The following CRBN variants were observed in gnomAD, a reference collection of about 807,000 sequenced individuals.
The protein encoded by CRBN is cereblon.
In CRBN, 53 loss-of-function variants were observed where a neutral mutation model predicts 62.2. That is an observed-to-expected ratio of 0.85 (90% CI 0.68 to 1.07). CRBN has a LOEUF of 1.07. CRBN is among the 50% of genes least tolerant of loss of function. The probability of loss-of-function intolerance (pLI) is 0.00; values close to 1 mark genes in which losing one functional copy is unlikely to be tolerated. For synonymous variants in CRBN, 208 were observed against 176.1 expected (o/e 1.18, Z -1.43); for missense variants, 616 against 531.1 (o/e 1.16, Z -1.57).
At chr3:3,167,539 GTAA>G in intron 5 of CRBN, 92 bp downstream of exon 5, 2 of 1,218,108 alleles carry the variant, frequency 1.6e-6, no homozygotes, top group South Asian at 2.6e-5. Context: ...AGGTGGCTGG[GTAA>G]TGAATCATGA....
intron 10 of CRBN, among the ~76,000 whole-genome samples, chr3:3,151,502 A>AAAACTAC (rs3840225): frequency 1.3e-5 from 2 of 151,800 alleles, no homozygotes; most frequent in Non-Finnish European, 2.9e-5. Context: ...GTAAATATTT[A>AAAACTAC]TATTCTAAAA....
chr3:3,172,671 G>A lies in CRBN; in HGVS notation c.527+105C>T, dbSNP rs59379332. On this transcript the variant is annotated intron_variant, in intron 4 of 10. Coordinates refer to ENST00000231948, the MANE Select transcript of CRBN (RefSeq NM_016302.4). ...CCTTAGAAGGGAAAGAGAACAACTA[G>A]TTAAAAGTTACAAAATATGAAGGCT... 22 of 1,218,212 alleles carry A rather than the reference G, an allele frequency of 1.8e-5. No individual in the cohort carries two copies. In the African/African-American group the frequency reaches 3.1e-4, roughly 17 times the overall value. The allele number at this position is 1,218,212 out of a possible 1,614,324, so 75.5% of individuals were successfully genotyped here.
chr3:3,170,313 T>C (rs767855426), intron 4 of CRBN, among the ~76,000 whole-genome samples: 4 of 152,236 alleles, frequency 2.6e-5, no homozygotes, highest in Non-Finnish European at 5.9e-5. Flanking sequence ...TGAAGTGTCA[T>C]TTAGGTAAAA....
chr3:3,163,791 T>G (rs921942074), intron 5 of CRBN, among the ~76,000 whole-genome samples: 1 of 152,214 alleles, frequency 6.6e-6, no homozygotes, highest in Non-Finnish European at 1.5e-5. Flanking sequence ...ACAGGCATAC[T>G]GTGATTCACA....
chr3:3,176,819 G>A (rs1318039846), intron 1 of CRBN, among the ~76,000 whole-genome samples: 1 of 152,210 alleles, frequency 6.6e-6, no homozygotes, highest in Non-Finnish European at 1.5e-5. Flanking sequence ...TTTGCATGAA[G>A]CATAAAACAT....
chr3:3,172,695 C>A (rs1707670480), intron 4 of CRBN, 81 bp downstream of exon 4: 2 of 1,406,922 alleles, frequency 1.4e-6, no homozygotes, highest in Admixed American at 1.7e-5. Context: ...AATATGAAGG[C>A]TCAGTAGAAC....
At chr3:3,167,176 G>A (rs1057074909) in intron 5 of CRBN, among the ~76,000 whole-genome samples, 1 of 152,006 alleles carries the variant, frequency 6.6e-6, no homozygotes, top group Non-Finnish European at 1.5e-5. Context: ...GTCAATTTCT[G>A]CGATGTCAAC....
intron 10 of CRBN, 84 bp from the exon 11 acceptor site, chr3:3,151,129 T>TTAGA: frequency 7.1e-7 from 1 of 1,404,924 alleles, no homozygotes; most frequent in Non-Finnish European, 9.9e-7. Context: ...AAGACAGACT[T>TTAGA]TAGAGGCAAA....
chr3:3,169,165 A>G (rs561392828), intron 4 of CRBN, among the ~76,000 whole-genome samples: 40 of 152,218 alleles, frequency 2.6e-4, no homozygotes, highest in Non-Finnish European at 4.9e-4. Flanking sequence ...CATGTTAATT[A>G]GTCTGCAGTA....
chr3:3,153,991 CGCTGGATA>C lies in CRBN; in HGVS notation c.912_919del (p.Ile305ThrfsTer4). 5 of 1,611,780 alleles carry C rather than the reference CGCTGGATA, an allele frequency of 3.1e-6. No homozygotes were observed. The highest frequency in any genetic ancestry group is 4.2e-6 in the Non-Finnish European group (5 of 1,177,938). On this transcript the variant is annotated frameshift_variant, in exon 8 of 11. Coordinates refer to ENST00000231948, the MANE Select transcript of CRBN (RefSeq NM_016302.4). LOFTEE classifies it high-confidence loss of function. ...CATAATGTCTAATTCACAGCGAAGT[CGCTGGATA>C]GCACTGCCAATTTTAAGGAGCTGAA...
At position 3,154,773 on chromosome 3, in the gene CRBN, T is replaced by A. The variant is rs773272812; in HGVS notation, c.809A>T (p.Asp270Val). Residue 270 changes from aspartate (D) to valine (V), a missense_variant, in exon 7 of 11, where the codon GAT becomes GTT. Transcript: ENST00000231948. ...TATTGGATTTGAAGGAAGAGAATCA[T>A]CTTTTAGATTTTCATCCCATTCACG... is the stretch of plus-strand genomic sequence containing the variant. ...QLREWDENLK[D>V]DSLPSNPIDF... The A allele has an allele frequency of 6.2e-7, 1 of 1,603,448 alleles. No individual in the cohort carries two copies. Among genetic ancestry groups the A allele is most frequent in the Non-Finnish European group, 8.5e-7 (1 of 1,170,434 alleles).
At chr3:3,167,361 T>A (rs1454918828) in intron 5 of CRBN, 5 of 326,216 alleles carry the variant, frequency 1.5e-5, no homozygotes, top group Non-Finnish European at 2.9e-5. Flanking sequence ...TTAATAAGCA[T>A]TTCCCATGGA....
Position 3,167,668 on chromosome 3 carries a change from T to C in CRBN, c.653A>G (p.Gln218Arg), listed in dbSNP as rs144667694. 7 of 1,613,438 alleles carry C rather than the reference T, an allele frequency of 4.3e-6. No individual in the cohort carries two copies. The highest frequency in any genetic ancestry group is 1.7e-5 in the Admixed American group (1 of 60,002). The change falls in exon 5 of 11, where the codon CAA becomes CGA. Residue 218 changes from glutamine to arginine, a missense_variant. Gln to Arg is a conservative substitution (Grantham distance 43). Transcript: ENST00000231948. ...TTTCTGCCACCATTTATATGAACAT[T>C]GGTCTTCTCTTGAGACAGGTTTTGA... ...FPSKPVSRED[Q>R]CSYKWWQKYQ...
intron 5 of CRBN, among the ~76,000 whole-genome samples, chr3:3,166,785 A>C (rs1280886098): frequency 2.0e-5 from 3 of 152,160 alleles, no homozygotes. Context: ...TACAGTGACT[A>C]GTATATAAGT....
At chr3:3,156,177 T>C in intron 6 of CRBN, 42 bp downstream of exon 6, 1 of 1,496,970 alleles carries the variant, frequency 6.7e-7, no homozygotes, top group Non-Finnish European at 9.3e-7. Flanking sequence ...AATTATGACA[T>C]GGCCTACCAT....
Position 3,150,814 on chromosome 3 carries a change from A to ATCTT in CRBN, c.*47_*50dup. 1 of 1,556,982 alleles carries ATCTT rather than the reference A, an allele frequency of 6.4e-7. No homozygotes were observed. Among genetic ancestry groups the ATCTT allele is most frequent in the Middle Eastern group, 1.7e-4 (1 of 5,852 alleles). ...TCAGAGGCAATAATTTCCAAAGCAG[A>ATCTT]TCTTAGAATATAACCAATTTGTTAG... On this transcript the variant is annotated 3_prime_UTR_variant, in exon 11 of 11. Coordinates refer to ENST00000231948, the MANE Select transcript of CRBN (RefSeq NM_016302.4).
intron 8 of CRBN, 40 bp from the exon 9 acceptor site, chr3:3,153,528 G>A: frequency 8.9e-7 from 1 of 1,126,696 alleles, no homozygotes; most frequent in Non-Finnish European, 1.4e-6. Context: ...AGGAAAAACT[G>A]GCATTCACTT....
chr3:3,165,024 A>G (rs528278972), intron 5 of CRBN, among the ~76,000 whole-genome samples: 165 of 152,254 alleles, frequency 1.1e-3, no homozygotes, highest in Middle Eastern at 3.4e-3. Context: ...GTTTACTCCA[A>G]CCCTCATGGA....
rs756222626 is a variant in CRBN at position 3,152,439 on chromosome 3, C to G, written c.1148+17G>C. 36 of 1,607,836 alleles carry G rather than the reference C, an allele frequency of 2.2e-5. No individual in the cohort carries two copies. The highest frequency in any genetic ancestry group is 2.5e-6 in the Non-Finnish European group (3 of 1,178,504). ...GTAAAAAAAGAAAAAAAAAAGCAAC[C>G]ACCACCATAATATTACCCAGGAAAC... On this transcript the variant is annotated intron_variant, in intron 10 of 10. Transcript: ENST00000231948.
Sources: gnomAD v4.1 joint callset for allele counts (sites outside exome capture counted in the v4.1 genomes callset) on GRCh38, gnomAD v4.1.1 for gene constraint, MANE v1.5 for transcripts, NCBI Gene and HGNC (gene_info 2026-07-23, HGNC 2026-07-21) for gene names.